Variants in EPS8L2 observed in about 807,000 individuals in gnomAD.
EPS8L2 encodes epidermal growth factor receptor kinase substrate 8-like protein 2.
EPS8L2 carries 81 observed loss-of-function variants against 99.4 expected under a neutral mutation model. That is an observed-to-expected ratio of 0.82 (90% CI 0.68 to 0.98). EPS8L2 has a LOEUF of 0.98. Among genes scored for constraint, EPS8L2 ranks in the 50% least tolerant of loss-of-function variants. The pLI, the probability that EPS8L2 is intolerant of heterozygous loss-of-function variation, is 0.00. For synonymous variants in EPS8L2, 509 were observed against 407.3 expected, an observed-to-expected ratio of 1.25 and a Z score of -3.01; for missense variants, 1,155 against 968.8, an observed-to-expected ratio of 1.19 and a Z score of -2.55.
intron 4 of EPS8L2, among the ~76,000 whole-genome samples, chr11:718,452 TTTTC>T (rs143089280): frequency 0.033 from 4,954 of 151,990 alleles, 156 homozygotes; most frequent in African/African-American, 0.084. Context: ...GCATACAATT[TTTTC>T]TTTGAGTTTT....
intron 12 of EPS8L2, 90 bp from the exon 13 acceptor site, chr11:722,311 T>G (rs890566626): frequency 1.3e-6 from 2 of 1,558,580 alleles, no homozygotes; most frequent in Non-Finnish European, 1.7e-6. Flanking sequence ...GGGTCCAAAG[T>G]CCCTTCCCGA....
intron 3 of EPS8L2, 87 bp from the exon 4 acceptor site, chr11:710,335 C>G: frequency 1.5e-6 from 2 of 1,334,538 alleles, no homozygotes; most frequent in Non-Finnish European, 2.2e-6. Context: ...CCGCTTGACT[C>G]CACCTTCCCT....
chr11:727,085 G>T lies in EPS8L2; in HGVS notation c.*104G>T. On this transcript the variant is annotated 3_prime_UTR_variant, in exon 21 of 21. Coordinates refer to ENST00000318562, the MANE Select transcript of EPS8L2 (RefSeq NM_022772.4). ...TATTTTGTATCAAGGACACGGAGGG[G>T]GTGTGGTGCTGGCTAGAGGTCCCTG... 2.4e-6 allele frequency: 2 copies of T among 847,432 alleles called. No individual in the cohort carries two copies. The highest frequency in any genetic ancestry group is 3.8e-6 in the Non-Finnish European group (2 of 532,708). 52.5% of individuals were successfully genotyped at this position (847,432 alleles called of 1,614,324 possible). A position where few individuals can be genotyped will look rare whatever the true frequency, so the allele number is the denominator to read the frequency against.
In EPS8L2 at chr11:721,703, A is replaced by C. The variant is rs1862179190; in HGVS notation, c.895+12A>C. 2 of 1,599,134 alleles carry C rather than the reference A, an allele frequency of 1.3e-6. No homozygotes were observed. On this transcript the variant is annotated intron_variant, in intron 10 of 20. Coordinates refer to ENST00000318562, the MANE Select transcript of EPS8L2 (RefSeq NM_022772.4). ...GAAGGCGCCAGCAGGTGCAGGGGACAGGGACGGGGCCGGCAGGTGCAGGGG... is the reference window on the plus strand; with the variant it reads ...GAAGGCGCCAGCAGGTGCAGGGGACCGGGACGGGGCCGGCAGGTGCAGGGG...
At chr11:716,474 C>T (rs1429717198) in intron 4 of EPS8L2, among the ~76,000 whole-genome samples, 1 of 152,178 alleles carries the variant, frequency 6.6e-6, no homozygotes, top group Non-Finnish European at 1.5e-5. Context: ...CCCAGCTGGT[C>T]TCAAACTCCT....
intron 4 of EPS8L2, among the ~76,000 whole-genome samples, chr11:719,007 C>T (rs1862088310): frequency 6.8e-6 from 1 of 147,722 alleles, no homozygotes; most frequent in African/African-American, 2.5e-5. Context: ...CCTCTGTTGC[C>T]CAGCCTGGAG....
intron 4 of EPS8L2, among the ~76,000 whole-genome samples, chr11:715,391 G>A (rs1861996023): frequency 6.6e-6 from 1 of 152,238 alleles, no homozygotes; most frequent in South Asian, 2.1e-4. Context: ...GATCTGTAGT[G>A]ATGCCCCCTC....
At position 724,121 on chromosome 11, in the gene EPS8L2, C is replaced by T. The variant is rs560195428; in HGVS notation, c.1455-603C>T. 5.0e-4 allele frequency among the ~76,000 whole-genome samples: 76 copies of T among 152,284 alleles called. No individual in the cohort carries two copies. The highest frequency in any genetic ancestry group is 8.7e-4 in the Non-Finnish European group (59 of 68,010). On this transcript the variant is annotated intron_variant, in intron 15 of 20. Transcript: ENST00000318562. This position sits in a 1 kb window ranked among gnomAD's most constrained non-coding sequence, Gnocchi z 5.5. ...CTTCATTTCCCTGAGCACCTGGACACGGGAGCTGCCCTGATGACCAGGGCC... is the reference window on the plus strand; with the variant it reads ...CTTCATTTCCCTGAGCACCTGGACATGGGAGCTGCCCTGATGACCAGGGCC...
chr11:721,548 A>AC lies in EPS8L2; in HGVS notation c.769-12dup. The stretch of plus-strand genomic sequence containing the variant: ...GGGGAGTGTCAGGGGCTGACCCCTG[A>AC]CCCCCTCTGACCCCAGCAAATCCTC... On this transcript the variant is annotated splice_polypyrimidine_tract_variant and intron_variant, in intron 9 of 20. Coordinates refer to ENST00000318562, the MANE Select transcript of EPS8L2 (RefSeq NM_022772.4). 1.3e-6 allele frequency: 2 copies of AC among 1,531,752 alleles called. No homozygotes were observed. The highest frequency in any genetic ancestry group is 1.4e-5 in the African/African-American group (1 of 71,234). The allele number at this position is 1,531,752 out of a possible 1,614,324, so 94.9% of individuals were successfully genotyped here.
intron 1 of EPS8L2, among the ~76,000 whole-genome samples, chr11:708,294 AG>A (rs1861784854): frequency 6.6e-6 from 1 of 152,200 alleles, no homozygotes; most frequent in African/African-American, 2.4e-5. Context: ...AGCCTGGTTC[AG>A]GGCCATCAGG....
At chr11:713,987 C>T (rs1240222066) in intron 4 of EPS8L2, among the ~76,000 whole-genome samples, 1 of 152,238 alleles carries the variant, frequency 6.6e-6, no homozygotes, top group Non-Finnish European at 1.5e-5. Context: ...ATCCACCTGC[C>T]TCCCAAAGTG....
intron 4 of EPS8L2, among the ~76,000 whole-genome samples, chr11:711,583 A>C (rs1286981016): frequency 6.6e-6 from 1 of 152,040 alleles, no homozygotes; most frequent in Non-Finnish European, 1.5e-5. Context: ...CCTAGGCTCA[A>C]GCAATCCTCC....
At chr11:712,512 TC>T (rs1347426668) in intron 4 of EPS8L2, among the ~76,000 whole-genome samples, 1 of 148,606 alleles carries the variant, frequency 6.7e-6, no homozygotes, top group Admixed American at 6.7e-5. Context: ...GAGCTGGGCT[TC>T]CGGTTGTGGT....
intron 1 of EPS8L2, 40 bp from the exon 2 acceptor site, chr11:709,290 G>A: frequency 7.9e-7 from 1 of 1,260,368 alleles, no homozygotes; most frequent in Non-Finnish European, 1.1e-6. Flanking sequence ...GAACCAGCCA[G>A]GCCGGAGGAA....
chr11:711,001 G>A (rs1861873811), intron 4 of EPS8L2, among the ~76,000 whole-genome samples: 1 of 152,174 alleles, frequency 6.6e-6, no homozygotes, highest in Non-Finnish European at 1.5e-5. Context: ...CCCTGGATGG[G>A]AAGAGCCCCT....
At position 715,850 on chromosome 11, in the gene EPS8L2, G is replaced by C. The variant is rs541408087; in HGVS notation, c.166-4212G>C. ...TTAGCCAGGATGGTCTCGATCTCAT[G>C]ACCTCACGATCCGCCTGCCTCGGCC... is the stretch of plus-strand genomic sequence containing the variant. On this transcript the variant is annotated intron_variant, in intron 4 of 20. Transcript: ENST00000318562. 4.1e-3 allele frequency among the ~76,000 whole-genome samples: 621 copies of C among 151,854 alleles called. 3 individuals are homozygous for C. Among genetic ancestry groups the C allele is most frequent in the African/African-American group, 0.014 (565 of 41,440 alleles).
intron 4 of EPS8L2, among the ~76,000 whole-genome samples, chr11:711,463 A>C (rs1298352449): frequency 6.6e-6 from 1 of 151,918 alleles, no homozygotes; most frequent in Non-Finnish European, 1.5e-5. Context: ...CCCTCACCTC[A>C]GCCTCCCCAG....
chr11:722,745 G>T lies in EPS8L2; in HGVS notation c.1281G>T (p.Val427=). The T allele has an allele frequency of 6.2e-7, 1 of 1,605,984 alleles. No homozygotes were observed. The highest frequency in any genetic ancestry group is 8.5e-7 in the Non-Finnish European group (1 of 1,177,204). The change falls in exon 14 of 21, where the codon GTG becomes GTT. Residue 427 remains valine, a synonymous_variant. Coordinates refer to ENST00000318562, the MANE Select transcript of EPS8L2 (RefSeq NM_022772.4). ...PKFHSGWEPP[V]DVLQEAPWEV... is the part of the protein sequence containing the mutation. ...TCCACAGCGGCTGGGAGCCTCCTGT[G>T]GATGTGCTGCAGGAGGCCCCCTGGG...
chr11:724,902 G>T lies in EPS8L2; in HGVS notation c.1560+73G>T, dbSNP rs1016424461. The stretch of plus-strand genomic sequence containing the variant: ...TTCAAGGGAGGGGCTACCAGGGGAG[G>T]TGGGGAGCGGTCTAGGGCCAGGCTG... On this transcript the variant is annotated intron_variant, in intron 16 of 20. Coordinates refer to ENST00000318562, the MANE Select transcript of EPS8L2 (RefSeq NM_022772.4). The surrounding 1 kb of genome is among the most constrained non-coding windows in gnomAD (Gnocchi z 5.5). 14 of 1,175,668 alleles carry T rather than the reference G, an allele frequency of 1.2e-5. No homozygotes were observed. The highest frequency in any genetic ancestry group is 2.5e-5 in the South Asian group (2 of 80,006). 72.8% of individuals were successfully genotyped at this position (1,175,668 alleles called of 1,614,324 possible).
Sources: gnomAD v4.1 joint callset for allele counts (sites outside exome capture counted in the v4.1 genomes callset) on GRCh38, gnomAD v4.1.1 for gene constraint, Gnocchi (gnomAD v3.1) non-coding constraint, MANE v1.5 for transcripts, NCBI Gene and HGNC (gene_info 2026-07-23, HGNC 2026-07-21) for gene names.